Variants in RBFOX1 observed in about 807,000 individuals in gnomAD.
The protein encoded by RBFOX1 is RNA binding protein fox-1 homolog 1.
Under a neutral mutation model 57.7 loss-of-function variants are expected in RBFOX1, and 8 were observed. The ratio of observed to expected loss-of-function variants is 0.14; its 90% CI spans 0.08 to 0.25. The LOEUF is 0.25. Among genes scored for constraint, RBFOX1 ranks in the 10% least tolerant of loss-of-function variants. RBFOX1 has a pLI of 1.00. For missense variants in RBFOX1, 611 were observed against 548.5 expected, an observed-to-expected ratio of 1.11 and a Z score of -1.14; for synonymous variants, 326 against 222.4, an observed-to-expected ratio of 1.47 and a Z score of -4.15.
intron 2 of RBFOX1, among the ~76,000 whole-genome samples, chr16:5,596,283 T>A (rs1272984729): frequency 1.3e-5 from 2 of 152,180 alleles, no homozygotes; most frequent in Non-Finnish European, 2.9e-5. Flanking sequence ...GCCTAGATCC[T>A]CTATTCTCTT....
intron 1 of RBFOX1, among the ~76,000 whole-genome samples, chr16:6,249,559 G>A (rs983516678): frequency 2.0e-5 from 3 of 151,964 alleles, no homozygotes; most frequent in African/African-American, 7.2e-5. Context: ...AAAACCAGAG[G>A]AGAGACTGGT....
intron 4 of RBFOX1, among the ~76,000 whole-genome samples, chr16:5,874,578 A>G (rs779513716): frequency 5.0e-4 from 76 of 152,296 alleles, no homozygotes; most frequent in Non-Finnish European, 1.0e-3. Context: ...GAGAAGGAAG[A>G]TAAATTGAAA....
rs895578340 is a variant in RBFOX1 at position 5,373,680 on chromosome 16, C to T, written c.220-93536C>T. Among the ~76,000 whole-genome samples, 24 of 152,112 alleles carry T rather than the reference C, an allele frequency of 1.6e-4. 1 individual carries two copies. The highest frequency in any genetic ancestry group is 1.3e-3 in the Admixed American group (20 of 15,290). On this transcript the variant is annotated intron_variant, in intron 1 of 2. Transcript: ENST00000585867. ...TGTGCGGTGGTGCGATCTTGGCTCA[C>T]TGCACCTTTGCCTCCCGGGTTCAGG...
rs1240388410 is a variant in RBFOX1, at chr16:7,029,159, TAC to T, written c.-15-22894_-15-22893del. On this transcript the variant is annotated intron_variant, in intron 3 of 15. Coordinates refer to ENST00000550418, the MANE Select transcript of RBFOX1 (RefSeq NM_018723.4). ...ATATATGTGTATATATGTATATATATACACATATATATACGTATACGTGTATA... is the reference window on the plus strand; with the variant it reads ...ATATATGTGTATATATGTATATATATACATATATATACGTATACGTGTATA... 6.1e-5 allele frequency among the ~76,000 whole-genome samples: 5 copies of T among 82,580 alleles called. 1 individual carries two copies. Among genetic ancestry groups the T allele is most frequent in the Admixed American group, 1.4e-4 (1 of 7,282 alleles). The allele number at this position is 82,580 out of a possible 152,430, so 54.2% of individuals were successfully genotyped here.
intron 4 of RBFOX1, among the ~76,000 whole-genome samples, chr16:7,390,651 A>G (rs578230266): frequency 1.3e-5 from 2 of 152,332 alleles, no homozygotes; most frequent in Admixed American, 6.5e-5. Context: ...GGGATGGTGA[A>G]TTTATAAATT....
chr16:6,572,746 T>C (rs946568331), intron 2 of RBFOX1, among the ~76,000 whole-genome samples: 1 of 152,074 alleles, frequency 6.6e-6, no homozygotes, highest in Non-Finnish European at 1.5e-5. Flanking sequence ...GTGTGAGATA[T>C]GCACCCAGCT....
At chr16:6,431,313 C>T (rs969151684) in intron 2 of RBFOX1, among the ~76,000 whole-genome samples, 3 of 151,812 alleles carry the variant, frequency 2.0e-5, no homozygotes, top group African/African-American at 7.3e-5. Flanking sequence ...AGGATACCTG[C>T]TTCTAGCATA....
At chr16:6,870,510 C>T (rs571221638) in intron 3 of RBFOX1, among the ~76,000 whole-genome samples, 2 of 152,236 alleles carry the variant, frequency 1.3e-5, no homozygotes, top group East Asian at 3.9e-4. Flanking sequence ...TATTATTTGC[C>T]ATGAATAATT....
At chr16:6,723,673 A>G (rs1361797390) in intron 3 of RBFOX1, 1 of 152,150 alleles carries the variant, frequency 6.6e-6, no homozygotes, top group East Asian at 1.9e-4. Flanking sequence ...TTGAGGAGCA[A>G]ATAGTCTGAT....
At chr16:6,700,692 T>C (rs2061690170) in intron 3 of RBFOX1, among the ~76,000 whole-genome samples, 1 of 152,120 alleles carries the variant, frequency 6.6e-6, no homozygotes, top group Non-Finnish European at 1.5e-5. Flanking sequence ...TTTTAAAAAT[T>C]ACCATAAGTA....
intron 2 of RBFOX1, among the ~76,000 whole-genome samples, chr16:5,538,588 C>G (rs2044798659): frequency 6.7e-6 from 1 of 149,508 alleles, no homozygotes; most frequent in South Asian, 2.1e-4. Context: ...TCATAATGCT[C>G]TCTTCCTGGC....
intron 3 of RBFOX1, among the ~76,000 whole-genome samples, chr16:7,008,435 A>G (rs2093425475): frequency 6.6e-6 from 1 of 151,828 alleles, no homozygotes; most frequent in Non-Finnish European, 1.5e-5. Flanking sequence ...AGACACTCAG[A>G]AGTCAGAGGC....
rs534204029 is a variant in RBFOX1 at position 6,509,861 on chromosome 16, A to T, written c.-63-144742A>T. On this transcript the variant is annotated intron_variant, in intron 2 of 15. Coordinates refer to ENST00000550418, the MANE Select transcript of RBFOX1 (RefSeq NM_018723.4). ...AAAAATATAAAATTTTCAAAATAGA[A>T]AAAACTGTAGGAGAAGTCAGATTTG... Among the ~76,000 whole-genome samples, 9 of 152,356 alleles carry T rather than the reference A, an allele frequency of 5.9e-5. No homozygotes were observed. The South Asian group carries it at 1.9e-3, about 32-fold the overall frequency.
chr16:7,346,064 G>C (rs2096996175), intron 4 of RBFOX1, among the ~76,000 whole-genome samples: 1 of 152,136 alleles, frequency 6.6e-6, no homozygotes, highest in East Asian at 1.9e-4. Flanking sequence ...ACCTGTGAGT[G>C]AGAACATGCG....
chr16:6,810,888 C>G (rs985767351), intron 3 of RBFOX1, among the ~76,000 whole-genome samples: 2 of 152,136 alleles, frequency 1.3e-5, no homozygotes, highest in Admixed American at 1.3e-4. Flanking sequence ...GATTACGGTT[C>G]AAGAGCTGAT....
At chr16:7,440,751 C>T (rs1262894676) in intron 4 of RBFOX1, among the ~76,000 whole-genome samples, 1 of 152,052 alleles carries the variant, frequency 6.6e-6, no homozygotes, top group Admixed American at 6.5e-5. Flanking sequence ...GAAATGAAAC[C>T]CAGGGCTTTG....
At chr16:7,347,856 G>T (rs2097047361) in intron 4 of RBFOX1, among the ~76,000 whole-genome samples, 1 of 152,194 alleles carries the variant, frequency 6.6e-6, no homozygotes, top group African/African-American at 2.4e-5. Context: ...GTTGTGAGCT[G>T]TTAGCCATTC....
At chr16:6,617,089 G>A (rs1286932489) in intron 2 of RBFOX1, among the ~76,000 whole-genome samples, 1 of 152,152 alleles carries the variant, frequency 6.6e-6, no homozygotes, top group Non-Finnish European at 1.5e-5. Context: ...ACGTAGAGGT[G>A]CTTTGGCCCA....
intron 2 of RBFOX1, among the ~76,000 whole-genome samples, chr16:6,498,956 C>T (rs2095846930): frequency 6.6e-6 from 1 of 152,156 alleles, no homozygotes. Context: ...TCCTCCAATA[C>T]ACCCCATTGG....
Sources: gnomAD v4.1 joint callset for allele counts (sites outside exome capture counted in the v4.1 genomes callset) on GRCh38, gnomAD v4.1.1 for gene constraint, MANE v1.5 for transcripts, NCBI Gene and HGNC (gene_info 2026-07-23, HGNC 2026-07-21) for gene names.